BCAT1: variants seen among roughly 807,000 people sequenced by gnomAD.
BCAT1 encodes the protein branched chain amino acid transaminase 1.
A neutral mutation model predicts 52.4 loss-of-function variants in BCAT1; 48 were observed. The ratio of observed to expected loss-of-function variants is 0.92; its 90% confidence interval spans 0.73 to 1.16. The LOEUF (loss-of-function observed/expected upper bound fraction) is 1.16, where lower values mean the gene tolerates loss of function less well. BCAT1 is among the 50% of genes most tolerant of loss of function. The pLI, the probability that BCAT1 is intolerant of heterozygous loss-of-function variation, is 0.00. For missense variants in BCAT1, 451 were observed against 457.1 expected (o/e 0.99, Z 0.12); for synonymous variants, 167 against 161.3 (o/e 1.04, Z -0.27).
intron 5 of BCAT1, among the ~76,000 whole-genome samples, chr12:24,873,174 T>A (rs751888383): frequency 6.6e-6 from 1 of 152,220 alleles, no homozygotes; most frequent in Non-Finnish European, 1.5e-5. Context: ...AATTTTAGTT[T>A]CTTGTCTAGT....
At chr12:24,900,089 A>C (rs1346009294) in intron 2 of BCAT1, among the ~76,000 whole-genome samples, 1 of 152,130 alleles carries the variant, frequency 6.6e-6, no homozygotes, top group African/African-American at 2.4e-5. Context: ...GACAGAGAAA[A>C]GTATATCAAA....
chr12:24,935,567 T>A (rs1943740705), intron 1 of BCAT1, among the ~76,000 whole-genome samples: 1 of 152,184 alleles, frequency 6.6e-6, no homozygotes, highest in African/African-American at 2.4e-5. Flanking sequence ...TGACAATGAA[T>A]CTTCTAATTC....
chr12:24,880,132 GC>G (rs781088424), intron 4 of BCAT1, among the ~76,000 whole-genome samples: 29 of 152,154 alleles, frequency 1.9e-4, no homozygotes, highest in Non-Finnish European at 3.5e-4. Flanking sequence ...CCGTCCTCAG[GC>G]TTCCTGAATG....
At chr12:24,926,335 T>C (rs35606332) in intron 1 of BCAT1, among the ~76,000 whole-genome samples, 24,129 of 150,392 alleles carry the variant, frequency 0.16, 2,435 homozygotes, top group Non-Finnish European at 0.22. Flanking sequence ...TCTGGGAAGT[T>C]GGGGGCAGCC....
intron 1 of BCAT1, among the ~76,000 whole-genome samples, chr12:24,937,876 C>G (rs1325470299): frequency 6.6e-6 from 1 of 152,024 alleles, no homozygotes; most frequent in Non-Finnish European, 1.5e-5. Context: ...AGGTCTTGGA[C>G]CAAAAATGAC....
At chr12:24,851,870 A>G (rs1941524457) in intron 5 of BCAT1, among the ~76,000 whole-genome samples, 1 of 152,176 alleles carries the variant, frequency 6.6e-6, no homozygotes, top group East Asian at 1.9e-4. Flanking sequence ...CAGTTAAGAA[A>G]TGACACCTTC....
At position 24,812,876 on chromosome 12, in the gene BCAT1, C is replaced by G. The variant is rs1204554504; in HGVS notation, c.*5132G>C. ...TCTTACACCACAGCCTACATCAATT[C>G]TTACCATCCCAACAGTAGATTACAT... On this transcript the variant is annotated 3_prime_UTR_variant, in exon 11 of 11. Coordinates refer to ENST00000261192, the MANE Select transcript of BCAT1 (RefSeq NM_005504.7). The G allele has an allele frequency of 6.6e-6, 1 of 152,092 alleles. No individual in the cohort carries two copies. The highest frequency in any genetic ancestry group is 2.4e-5 in the African/African-American group (1 of 41,562). 9.4% of individuals were successfully genotyped at this position (152,092 alleles called of 1,614,324 possible).
intron 1 of BCAT1, among the ~76,000 whole-genome samples, chr12:24,922,675 A>G (rs986156064): frequency 2.0e-5 from 3 of 152,102 alleles, no homozygotes; most frequent in South Asian, 2.1e-4. Context: ...GATCAAGACC[A>G]TCCTGGCCAA....
chr12:24,846,015 C>A lies in BCAT1; in HGVS notation c.674+3771G>T, dbSNP rs551643776. ...AAATTATTTTTTCATATACAAAATGCCCTTTAGACTGTATTAAAAAACACA... is the reference window on the plus strand; with the variant it reads ...AAATTATTTTTTCATATACAAAATGACCTTTAGACTGTATTAAAAAACACA... On this transcript the variant is annotated intron_variant, in intron 6 of 10. Coordinates refer to ENST00000261192, the MANE Select transcript of BCAT1 (RefSeq NM_005504.7). Among the ~76,000 whole-genome samples, 68 of 152,206 alleles carry A rather than the reference C, an allele frequency of 4.5e-4. 1 individual carries two copies. In the Middle Eastern group the frequency reaches 0.014, roughly 30 times the overall value.
At chr12:24,902,646 C>T (rs1943139271) in intron 1 of BCAT1, 2 of 471,744 alleles carry the variant, frequency 4.2e-6, no homozygotes, top group Non-Finnish European at 7.2e-6. Flanking sequence ...TCCCTCAGAG[C>T]GAGTCCATAG....
At chr12:24,937,234 G>A (rs955633970) in intron 1 of BCAT1, among the ~76,000 whole-genome samples, 14 of 151,168 alleles carry the variant, frequency 9.3e-5, no homozygotes, top group African/African-American at 3.5e-4. Flanking sequence ...CCAATCTGAG[G>A]TTGGCAGGGC....
At chr12:24,920,880 A>G (rs147188087) in intron 1 of BCAT1, among the ~76,000 whole-genome samples, 35 of 152,314 alleles carry the variant, frequency 2.3e-4, no homozygotes, top group African/African-American at 7.2e-4. Flanking sequence ...AGACACTTAC[A>G]TCTACCAGTT....
At position 24,943,597 on chromosome 12, in the gene BCAT1, T is replaced by G. The variant is rs191149170; in HGVS notation, c.6+5330A>C. On this transcript the variant is annotated intron_variant, in intron 1 of 10. Transcript: ENST00000261192. ...CACAATAGACTAGGAGTCTGTCTACTTTCTCATTTTGCTCTTTTATTTGTA... is the reference window on the plus strand; with the variant it reads ...CACAATAGACTAGGAGTCTGTCTACGTTCTCATTTTGCTCTTTTATTTGTA... Among the ~76,000 whole-genome samples the G allele has an allele frequency of 9.2e-5, 14 of 152,164 alleles. No homozygotes were observed. In the East Asian group the frequency reaches 2.7e-3, roughly 29 times the overall value.
At chr12:24,944,852 T>C (rs1943912421) in intron 1 of BCAT1, among the ~76,000 whole-genome samples, 1 of 152,242 alleles carries the variant, frequency 6.6e-6, no homozygotes, top group African/African-American at 2.4e-5. Context: ...TATTTTTTTC[T>C]TTATTGGTCT....
intron 8 of BCAT1, among the ~76,000 whole-genome samples, chr12:24,835,832 C>G (rs1940896341): frequency 6.6e-6 from 1 of 152,078 alleles, no homozygotes; most frequent in Admixed American, 6.6e-5. Context: ...CTTAAGTGAT[C>G]CTCCTGCCTT....
intron 7 of BCAT1, among the ~76,000 whole-genome samples, chr12:24,841,740 T>TAA (rs34990218): frequency 6.2e-5 from 9 of 145,354 alleles, no homozygotes; most frequent in African/African-American, 2.0e-4. Context: ...CTATCTCTAC[T>TAA]AAAAAAAAAA....
intron 7 of BCAT1, among the ~76,000 whole-genome samples, chr12:24,838,221 T>A (rs1941063436): frequency 6.6e-6 from 1 of 152,160 alleles, no homozygotes. Context: ...TCCTCAAAAC[T>A]GGGCATTGTG....
chr12:24,851,671 C>A (rs1177667675), intron 5 of BCAT1, among the ~76,000 whole-genome samples: 1 of 152,160 alleles, frequency 6.6e-6, no homozygotes, highest in Non-Finnish European at 1.5e-5. Context: ...TGTGTTTGTT[C>A]TTTAACAGAG....
rs1245203518 is a variant in BCAT1, at chr12:24,887,080, A to AAAAAAAAAATATAT, written c.280-5670_280-5669insATATATTTTTTTTT. On this transcript the variant is annotated intron_variant, in intron 3 of 10. Coordinates refer to ENST00000261192, the MANE Select transcript of BCAT1 (RefSeq NM_005504.7). ...GCTAGCTAAAAAAAAAAAAAAAAAA[A>AAAAAAAAAATATAT]ATATATATATATATATATATATATA... is the stretch of plus-strand genomic sequence containing the variant. Among the ~76,000 whole-genome samples the AAAAAAAAAATATAT allele has an allele frequency of 1.6e-3, 65 of 40,718 alleles. 3 individuals carry two copies. Among genetic ancestry groups the AAAAAAAAAATATAT allele is most frequent in the Non-Finnish European group, 2.8e-3 (54 of 19,040 alleles). The allele number at this position is 40,718 out of a possible 152,430, so 26.7% of individuals were successfully genotyped here. A position where few individuals can be genotyped will look rare whatever the true frequency, so the allele number is the denominator to read the frequency against.
Sources: gnomAD v4.1 joint callset for allele counts (sites outside exome capture counted in the v4.1 genomes callset) on GRCh38, gnomAD v4.1.1 for gene constraint, MANE v1.5 for transcripts, NCBI Gene and HGNC (gene_info 2026-07-23, HGNC 2026-07-21) for gene names.